Variants in DOK5 observed in about 807,000 individuals in gnomAD.
DOK5 encodes the protein downstream of tyrosine kinase 5.
A neutral mutation model predicts 43.3 loss-of-function variants in DOK5; 27 were observed. That is an observed-to-expected ratio of 0.62 (90% CI 0.46 to 0.86). DOK5 has a LOEUF of 0.86. Ranked by LOEUF, DOK5 falls within the 40% of genes least tolerant of loss-of-function variation. The pLI is 0.00. For missense variants in DOK5, 373 were observed against 392.9 expected, an observed-to-expected ratio of 0.95 and a Z score of 0.43; for synonymous variants, 146 against 140.1, an observed-to-expected ratio of 1.04 and a Z score of -0.30.
intron 1 of DOK5, among the ~76,000 whole-genome samples, chr20:54,489,530 C>A (rs1454320641): frequency 6.6e-6 from 1 of 152,054 alleles, no homozygotes; most frequent in African/African-American, 2.4e-5. Flanking sequence ...CGATAGGATT[C>A]CCCTGTATGG....
chr20:54,632,763 A>G (rs1978629649), intron 6 of DOK5, among the ~76,000 whole-genome samples: 2 of 152,204 alleles, frequency 1.3e-5, no homozygotes, highest in African/African-American at 2.4e-5. Flanking sequence ...GATCAAAACC[A>G]TCTGGGAACT....
chr20:54,625,497 C>T (rs144231372), intron 6 of DOK5, among the ~76,000 whole-genome samples: 9 of 152,320 alleles, frequency 5.9e-5, no homozygotes, highest in Middle Eastern at 3.4e-3. Flanking sequence ...CTGTATAATA[C>T]TCTCAGTACT....
intron 1 of DOK5, among the ~76,000 whole-genome samples, chr20:54,537,104 G>A (rs1175253375): frequency 6.6e-6 from 1 of 152,182 alleles, no homozygotes; most frequent in Non-Finnish European, 1.5e-5. Context: ...CCCCAACCCA[G>A]CAATAATGCG....
At position 54,591,614 on chromosome 20, in the gene DOK5, A is replaced by C; in HGVS notation, c.410-2A>C. 3 of 1,585,474 alleles carry C rather than the reference A, an allele frequency of 1.9e-6. No individual in the cohort carries two copies. Among genetic ancestry groups the C allele is most frequent in the Non-Finnish European group, 2.6e-6 (3 of 1,164,926 alleles). On this transcript the variant is annotated splice_acceptor_variant, in intron 4 of 7. Coordinates refer to ENST00000262593, the MANE Select transcript of DOK5 (RefSeq NM_018431.5). LOFTEE classifies it high-confidence loss of function. ...TAGACTAACCTTTTGTTTTTCTCCC[A>C]GAGAGATTCAATGTGTATTTGATGC...
chr20:54,604,112 A>G (rs1150422), intron 5 of DOK5, among the ~76,000 whole-genome samples: 151,136 of 151,720 alleles, frequency 1, 75,276 homozygotes, highest in Middle Eastern at 1. Context: ...ATGCCCGGCT[A>G]ATTTTTTGCA....
chr20:54,643,501 T>C lies in DOK5; in HGVS notation c.779T>C (p.Met260Thr). 6.2e-7 allele frequency: 1 copy of C among 1,613,734 alleles called. No homozygotes were observed. The highest frequency in any genetic ancestry group is 8.5e-7 in the Non-Finnish European group (1 of 1,180,040). ...MSERAASLST[M>T]VPLPRSAYWQ... ...GAGCGGGCCGCCTCGCTGAGCACCA[T>C]GGTGCCCCTGCCTCGCAGCGCCTAC... Residue 260 changes from methionine (M) to threonine (T), a missense_variant, in exon 7 of 8, where the codon ATG (methionine) becomes ACG (threonine). By Grantham distance (81) the Met-to-Thr change is moderately conservative. Coordinates refer to ENST00000262593, the MANE Select transcript of DOK5 (RefSeq NM_018431.5).
At chr20:54,596,526 C>A (rs1230974316) in intron 5 of DOK5, among the ~76,000 whole-genome samples, 3 of 152,188 alleles carry the variant, frequency 2.0e-5, no homozygotes, top group Non-Finnish European at 4.4e-5. Context: ...ACAGACTGAA[C>A]TGGAAGTTGG....
rs548786375 is a variant in DOK5 at position 54,498,355 on chromosome 20, A to G, written c.66+22343A>G. Among the ~76,000 whole-genome samples, 297 of 152,308 alleles carry G rather than the reference A, an allele frequency of 1.9e-3. 1 individual carries two copies. Among genetic ancestry groups the G allele is most frequent in the Non-Finnish European group, 3.6e-3 (246 of 68,030 alleles). Reference sequence around the variant, plus strand: ...TTTCAGCAACATCTCTCCCATTGTCATAAATTAGAGGATTAAATTGTCTTA... The same window carrying G: ...TTTCAGCAACATCTCTCCCATTGTCGTAAATTAGAGGATTAAATTGTCTTA... On this transcript the variant is annotated intron_variant, in intron 1 of 7. Coordinates refer to ENST00000262593, the MANE Select transcript of DOK5 (RefSeq NM_018431.5).
chr20:54,508,519 T>C (rs558753474), intron 1 of DOK5, among the ~76,000 whole-genome samples: 17 of 151,428 alleles, frequency 1.1e-4, no homozygotes, highest in Non-Finnish European at 1.6e-4. Context: ...TGTTGAGAAC[T>C]GTGCAGGGGC....
At chr20:54,585,403 T>A (rs562431649) in intron 2 of DOK5, among the ~76,000 whole-genome samples, 2 of 152,200 alleles carry the variant, frequency 1.3e-5, no homozygotes, top group Non-Finnish European at 2.9e-5. Flanking sequence ...CTATTTCAGG[T>A]GACTATCTCT....
chr20:54,528,707 A>AAG (rs1491007459), intron 1 of DOK5, among the ~76,000 whole-genome samples: 2 of 152,208 alleles, frequency 1.3e-5, no homozygotes, highest in Non-Finnish European at 2.9e-5. Context: ...GCCAAATAAA[A>AAG]AGAGAATGAC....
At chr20:54,649,111 C>A (rs1270986445) in intron 7 of DOK5, among the ~76,000 whole-genome samples, 1 of 152,192 alleles carries the variant, frequency 6.6e-6, no homozygotes, top group African/African-American at 2.4e-5. Context: ...TCCATGTAGC[C>A]TTATGGGGTT....
chr20:54,564,966 G>C (rs1985044578), intron 2 of DOK5, among the ~76,000 whole-genome samples: 1 of 152,158 alleles, frequency 6.6e-6, no homozygotes. Flanking sequence ...CTGTCTCAAA[G>C]CCTTTGCAGT....
chr20:54,623,244 A>C (rs1987040509), intron 6 of DOK5, among the ~76,000 whole-genome samples: 1 of 152,136 alleles, frequency 6.6e-6, no homozygotes. Context: ...GTTCCATACA[A>C]TGCTTAGGAC....
intron 1 of DOK5, among the ~76,000 whole-genome samples, chr20:54,524,297 C>T (rs1983510195): frequency 2.0e-5 from 3 of 152,142 alleles, no homozygotes; most frequent in Admixed American, 6.6e-5. Context: ...TCTCACTTTG[C>T]CCCTTTGTTC....
intron 1 of DOK5, among the ~76,000 whole-genome samples, chr20:54,478,711 A>G (rs1308309515): frequency 1.3e-5 from 2 of 152,128 alleles, no homozygotes; most frequent in African/African-American, 2.4e-5. Context: ...TTGACCTTTG[A>G]CCTTTCTTGG....
intron 7 of DOK5, among the ~76,000 whole-genome samples, chr20:54,644,723 A>AACAAAAAAAAAAACC (rs779663636): frequency 7.0e-6 from 1 of 142,404 alleles, no homozygotes; most frequent in African/African-American, 2.9e-5. Flanking sequence ...AAAAAAAAAA[A>AACAAAAAAAAAAACC]ACAAAATTTA....
chr20:54,590,159 G>A (rs554468830), intron 4 of DOK5, among the ~76,000 whole-genome samples: 124 of 152,224 alleles, frequency 8.1e-4, no homozygotes, highest in African/African-American at 2.8e-3. Flanking sequence ...AAAAATTGGC[G>A]GTGCGTAGGA....
chr20:54,586,213 A>G (rs977892066), intron 2 of DOK5, among the ~76,000 whole-genome samples: 2 of 152,242 alleles, frequency 1.3e-5, no homozygotes, highest in African/African-American at 4.8e-5. Context: ...TCAGTAAGTC[A>G]TTGCTGGCAA....
Sources: allele counts gnomAD v4.1 joint callset (sites outside exome capture counted in the v4.1 genomes callset), GRCh38; gene constraint gnomAD v4.1.1; transcripts MANE v1.5; gene names NCBI Gene and HGNC (gene_info 2026-07-23, HGNC 2026-07-21).